Variants in ZFP90 observed in about 807,000 individuals in gnomAD.
ZFP90 encodes ZFP90 zinc finger protein.
A neutral mutation model predicts 60.8 loss-of-function variants in ZFP90; 38 were observed. The observed-to-expected ratio is 0.62, with a 90% CI of 0.48 to 0.82. The LOEUF (loss-of-function observed/expected upper bound fraction) is 0.82, where lower values mean the gene tolerates loss of function less well. Among genes scored for constraint, ZFP90 ranks in the 40% least tolerant of loss-of-function variants. The pLI is 0.00. For synonymous variants in ZFP90, 287 were observed against 264.8 expected (o/e 1.08, Z -0.82); for missense variants, 711 against 759.1 (o/e 0.94, Z 0.74).
At chr16:68,571,982 T>C (rs2091571359), downstream of ZFP90, among the ~76,000 whole-genome samples, 1 of 152,150 alleles carries the variant, frequency 6.6e-6, no homozygotes, top group Non-Finnish European at 1.5e-5. Flanking sequence ...TGCTAATAAC[T>C]TTTAGTAAAA....
At chr16:68,536,144 C>A (rs2090959106), upstream of ZFP90, among the ~76,000 whole-genome samples, 1 of 152,204 alleles carries the variant, frequency 6.6e-6, no homozygotes, top group Non-Finnish European at 1.5e-5. Flanking sequence ...CAGCGTTGTT[C>A]TCTTTCCCTT....
In ZFP90 at chr16:68,565,567, C is replaced by CT. The variant is rs1207715664; in HGVS notation, c.*872dup. 3.1e-5 allele frequency: 31 copies of CT among 985,556 alleles called. No homozygotes were observed. In the South Asian group the frequency reaches 1.3e-3, roughly 42 times the overall value. The allele number at this position is 985,556 out of a possible 1,614,324, so 61.1% of individuals were successfully genotyped here. On this transcript the variant is annotated 3_prime_UTR_variant, in exon 5 of 5. Coordinates refer to ENST00000563169, the MANE Select transcript of ZFP90 (RefSeq NM_001305203.2). Reference sequence around the variant, plus strand: ...TCCCCTTTTCCCAGTTACAATTATACTTTCAGCTAACATATGCCAGTTTCA... The same window carrying CT: ...TCCCCTTTTCCCAGTTACAATTATACTTTTCAGCTAACATATGCCAGTTTCA...
At chr16:68,572,559 C>A (rs1217400597) in intron 2 of ZFP90, among the ~76,000 whole-genome samples, 2 of 152,142 alleles carry the variant, frequency 1.3e-5, no homozygotes. Context: ...ATCCTTGGCC[C>A]CTATAGATAT....
intron 4 of ZFP90, among the ~76,000 whole-genome samples, chr16:68,561,736 C>T (rs2091441869): frequency 6.6e-6 from 1 of 152,036 alleles, no homozygotes; most frequent in Non-Finnish European, 1.5e-5. Context: ...TAATCATTTC[C>T]ACAAGCATTT....
At chr16:68,542,607 A>G (rs1437944618) in intron 2 of ZFP90, among the ~76,000 whole-genome samples, 1 of 152,064 alleles carries the variant, frequency 6.6e-6, no homozygotes, top group East Asian at 1.9e-4. Context: ...ACCAACCCCA[A>G]AAAACAAAAG....
chr16:68,534,290 G>A (rs932095419), intron 2 of ZFP90, among the ~76,000 whole-genome samples: 33 of 148,464 alleles, frequency 2.2e-4, no homozygotes, highest in Non-Finnish European at 4.1e-4. Context: ...GGGCAATGGC[G>A]TGATCTCGGC....
chr16:68,567,267 C>A, downstream of ZFP90: 3 of 625,314 alleles, frequency 4.8e-6, no homozygotes, highest in Non-Finnish European at 4.0e-6. Context: ...ATGCTTACTA[C>A]TTTAAAGACA....
At chr16:68,558,216 G>A in intron 3 of ZFP90, 92 bp downstream of exon 3, 1 of 1,562,024 alleles carries the variant, frequency 6.4e-7, no homozygotes, top group Non-Finnish European at 8.7e-7. Context: ...AGGTAACTGT[G>A]ACCAGGGTGC....
intron 2 of ZFP90, chr16:68,575,758 G>T (rs951395159): frequency 2.5e-6 from 1 of 398,258 alleles, no homozygotes; most frequent in Non-Finnish European, 4.4e-6. Flanking sequence ...TTGAAGGTTG[G>T]GTTTCAGTGG....
chr16:68,534,997 A>G (rs2090950433), upstream of ZFP90, among the ~76,000 whole-genome samples: 1 of 152,238 alleles, frequency 6.6e-6, no homozygotes, highest in Non-Finnish European at 1.5e-5. Context: ...TGAGGTTGTT[A>G]TGAATATTAT....
Position 68,553,713 on chromosome 16 carries a change from G to T in ZFP90, c.34-4285G>T, listed in dbSNP as rs1010989939. On this transcript the variant is annotated intron_variant, in intron 2 of 4. Coordinates refer to ENST00000563169, the MANE Select transcript of ZFP90 (RefSeq NM_001305203.2). ...GGCTCACTGTAGCCTTGAACTCCCG[G>T]GCTCAAGCAGTCCTCCTGCCTCAGC... Among the ~76,000 whole-genome samples the T allele has an allele frequency of 3.3e-5, 5 of 152,118 alleles. No homozygotes were observed. In the South Asian group the frequency reaches 1.0e-3, roughly 31 times the overall value.
intron 1 of ZFP90, 32 bp downstream of exon 1, chr16:68,539,511 T>C: frequency 2.1e-6 from 1 of 475,124 alleles, no homozygotes; most frequent in Non-Finnish European, 3.7e-6. Flanking sequence ...CCCTCCTGGG[T>C]TTGGCGGGTG....
In ZFP90 at chr16:68,563,680, G is replaced by A. The variant is rs2091471647; in HGVS notation, c.893G>A (p.Gly298Asp). The A allele has an allele frequency of 6.2e-7, 1 of 1,613,954 alleles. No homozygotes were observed. The highest frequency in any genetic ancestry group is 1.3e-5 in the African/African-American group (1 of 74,892). Residue 298 changes from glycine to aspartate, a missense_variant, in exon 5 of 5, where the codon GGT becomes GAT. Transcript: ENST00000563169. ...GCCTTCAGGCATAGCTCATCTCTTG[G>A]TCAGCATGAGAATGCTCATACCGGA... ...GKAFRHSSSL[G>D]QHENAHTGEK...
At chr16:68,557,255 C>G (rs1184055499) in intron 2 of ZFP90, 1 of 455,898 alleles carries the variant, frequency 2.2e-6, no homozygotes, top group Non-Finnish European at 4.4e-6. Context: ...CTCAAGCGTT[C>G]TGCCGGCCTT....
chr16:68,549,220 G>T (rs1277958548), intron 2 of ZFP90, among the ~76,000 whole-genome samples: 1 of 152,152 alleles, frequency 6.6e-6, no homozygotes, highest in Non-Finnish European at 1.5e-5. Flanking sequence ...AGCAGCGAGT[G>T]TTCAAGAAAT....
Position 68,564,116 on chromosome 16 carries a change from T to C in ZFP90, c.1329T>C (p.Thr443=). 5 of 1,614,128 alleles carry C rather than the reference T, an allele frequency of 3.1e-6. No individual in the cohort carries two copies. The South Asian group carries it at 5.5e-5, about 18-fold the overall frequency. The change falls in exon 5 of 5, where the codon ACT becomes ACC. Residue 443 remains threonine (T), a synonymous_variant. Transcript: ENST00000563169. Reference sequence around the variant, plus strand: ...CATCTCTCACTCAAGATGAAAGCACTCTTACCGAAGTGAAATCCTACCATT... The same window carrying C: ...CATCTCTCACTCAAGATGAAAGCACCCTTACCGAAGTGAAATCCTACCATT... ...HSTSLTQDES[T]LTEVKSYHCN...
intron 2 of ZFP90, among the ~76,000 whole-genome samples, chr16:68,540,531 AAGG>A (rs1012444890): frequency 2.6e-5 from 4 of 152,160 alleles, no homozygotes; most frequent in Admixed American, 2.6e-4. Flanking sequence ...TCACAACTCT[AAGG>A]TTATCCATTG....
At chr16:68,555,439 T>C (rs10163413) in intron 2 of ZFP90, among the ~76,000 whole-genome samples, 1,535 of 152,236 alleles carry the variant, frequency 0.01, 27 homozygotes, top group African/African-American at 0.034. Context: ...GGTGTGTGGA[T>C]GTGGTCATGC....
At chr16:68,551,960 C>T (rs1253519582) in intron 2 of ZFP90, among the ~76,000 whole-genome samples, 2 of 150,468 alleles carry the variant, frequency 1.3e-5, no homozygotes, top group East Asian at 2.0e-4. Context: ...GGGAGTTTCA[C>T]CGTGTTAGCC....
Sources: gnomAD v4.1 joint callset for allele counts (sites outside exome capture counted in the v4.1 genomes callset) on GRCh38, gnomAD v4.1.1 for gene constraint, MANE v1.5 for transcripts, NCBI Gene and HGNC (gene_info 2026-07-23, HGNC 2026-07-21) for gene names.